GPC3: variants seen among roughly 807,000 people sequenced by gnomAD.
GPC3 encodes glypican 3, also known as glypican-3.
In GPC3, 3 loss-of-function variants were observed where a neutral mutation model predicts 34.4. The ratio of observed to expected loss-of-function variants is 0.09; its 90% CI spans 0.04 to 0.23. GPC3 has a LOEUF of 0.23. GPC3 is among the 10% of genes least tolerant of loss of function. GPC3 has a pLI of 1.00. For missense variants in GPC3, 351 were observed against 445.6 expected, an observed-to-expected ratio of 0.79 and a Z score of 1.91; for synonymous variants, 177 against 174.0, an observed-to-expected ratio of 1.02 and a Z score of -0.13.
chrX:133,557,964 A>G (rs2069504678), intron 7 of GPC3, among the ~76,000 whole-genome samples: 1 of 111,973 alleles, frequency 8.9e-6, no homozygotes, highest in East Asian at 2.8e-4. Context: ...CCTTAAATAA[A>G]GATTTTTTTT....
chrX:133,581,945 T>C (rs947182438), intron 7 of GPC3, among the ~76,000 whole-genome samples: 6 of 112,293 alleles, frequency 5.3e-5, no homozygotes, highest in African/African-American at 1.9e-4. Flanking sequence ...TTCTGTGCTA[T>C]TAACATTTTC....
intron 2 of GPC3, among the ~76,000 whole-genome samples, chrX:133,771,289 A>T (rs767607964): frequency 4.4e-5 from 5 of 112,901 alleles, no homozygotes; most frequent in Non-Finnish European, 9.4e-5. Flanking sequence ...TAATTTGGCA[A>T]TGTGCCTGGA....
At chrX:133,752,061 G>C (rs1569425809) in intron 3 of GPC3, among the ~76,000 whole-genome samples, 1 of 109,574 alleles carries the variant, frequency 9.1e-6, no homozygotes, top group Admixed American at 9.8e-5. Context: ...GTAGAGATGG[G>C]GTCTGTACGT....
intron 2 of GPC3, among the ~76,000 whole-genome samples, chrX:133,875,733 C>T (rs1280536260): frequency 9.0e-6 from 1 of 110,948 alleles, no homozygotes; most frequent in African/African-American, 3.3e-5. Flanking sequence ...TATATATTAG[C>T]CCCACAGTAC....
intron 6 of GPC3, among the ~76,000 whole-genome samples, chrX:133,653,410 G>A (rs1449852712): frequency 2.7e-5 from 3 of 111,611 alleles, no homozygotes; most frequent in Non-Finnish European, 5.6e-5. Flanking sequence ...TGCTAATTTT[G>A]TCATTCTGGA....
At chrX:133,691,259 G>A (rs982371847) in intron 5 of GPC3, among the ~76,000 whole-genome samples, 7 of 111,058 alleles carry the variant, frequency 6.3e-5, no homozygotes, top group Non-Finnish European at 1.1e-4. Flanking sequence ...AGCACTTTGG[G>A]AGGCCGAGGC....
chrX:133,645,834 G>A (rs1455498668), intron 6 of GPC3, among the ~76,000 whole-genome samples: 1 of 110,668 alleles, frequency 9.0e-6, no homozygotes, highest in East Asian at 2.8e-4. Context: ...TGTGGAAGAT[G>A]AGAGTGGGTG....
At chrX:133,778,910 A>T (rs186956026) in intron 2 of GPC3, among the ~76,000 whole-genome samples, 2 of 112,242 alleles carry the variant, frequency 1.8e-5, no homozygotes, top group East Asian at 5.6e-4. Context: ...TTCTGCCTTT[A>T]GTGTTTTTTT....
At chrX:133,871,992 G>A (rs964875481) in intron 2 of GPC3, among the ~76,000 whole-genome samples, 5 of 111,133 alleles carry the variant, frequency 4.5e-5, no homozygotes, top group Non-Finnish European at 9.4e-5. Flanking sequence ...CACTCAAGCT[G>A]GAGTAGAGTG....
chrX:133,679,278 T>A (rs2070915999), intron 5 of GPC3, among the ~76,000 whole-genome samples: 1 of 111,757 alleles, frequency 8.9e-6, no homozygotes, highest in Non-Finnish European at 1.9e-5. Flanking sequence ...TTCCATTTAT[T>A]CAGGGTAAAA....
At chrX:133,610,703 G>T (rs149120999) in intron 6 of GPC3, among the ~76,000 whole-genome samples, 43 of 103,318 alleles carry the variant, frequency 4.2e-4, no homozygotes, top group Middle Eastern at 9.4e-3. Context: ...GATGCAACAG[G>T]AGAGGGGATG....
chrX:133,661,871 A>C lies in GPC3; in HGVS notation c.1293-21T>G, dbSNP rs372409699. The C allele has an allele frequency of 1.8e-5, 21 of 1,197,480 alleles. No homozygotes were observed. The African/African-American group carries it at 3.1e-4, about 17-fold the overall frequency. ...TGTATCTGTAAAGGTGAAGGTAAAG[A>C]AAAGGTTTGTCAAAGAAAGTCCCAA... On this transcript the variant is annotated intron_variant, in intron 5 of 7. Transcript: ENST00000370818.
chrX:133,642,640 C>T (rs976486149), intron 6 of GPC3, among the ~76,000 whole-genome samples: 3 of 109,138 alleles, frequency 2.7e-5, no homozygotes, highest in African/African-American at 6.7e-5. Context: ...GGCGTGGTGG[C>T]GCATGCCTGT....
chrX:133,899,038 C>T (rs949257086), intron 2 of GPC3, among the ~76,000 whole-genome samples: 6 of 112,062 alleles, frequency 5.4e-5, no homozygotes, highest in Admixed American at 9.5e-5. Flanking sequence ...GGCTCAAAGG[C>T]ACACACATGT....
chrX:133,793,523 TCA>T (rs2072189827), intron 2 of GPC3, among the ~76,000 whole-genome samples: 1 of 111,568 alleles, frequency 9.0e-6, no homozygotes, highest in African/African-American at 3.3e-5. Flanking sequence ...CAGATTTTCC[TCA>T]TATTTTTTCC....
At chrX:133,663,112 T>G (rs1309389585) in intron 5 of GPC3, among the ~76,000 whole-genome samples, 1 of 110,984 alleles carries the variant, frequency 9.0e-6, no homozygotes, top group East Asian at 2.9e-4. Flanking sequence ...TAACCAAAAT[T>G]GGAATGATAC....
chrX:133,588,211 G>C (rs2069810291), intron 7 of GPC3, among the ~76,000 whole-genome samples: 1 of 111,126 alleles, frequency 9.0e-6, no homozygotes, highest in African/African-American at 3.3e-5. Flanking sequence ...CATTTCCAAA[G>C]AGCACAAAGG....
chrX:133,674,930 A>G, intron 5 of GPC3, among the ~76,000 whole-genome samples: 1 of 111,912 alleles, frequency 8.9e-6, no homozygotes, highest in Non-Finnish European at 1.9e-5. Flanking sequence ...AATGAAGAAC[A>G]GGACTCTCAA....
rs192075937 is a variant in GPC3 at position 133,696,451 on chromosome X, C to T, written c.1166+3444G>A. Among the ~76,000 whole-genome samples the T allele has an allele frequency of 2.0e-4, 22 of 112,298 alleles. No individual in the cohort carries two copies. The South Asian group carries it at 7.1e-3, about 36-fold the overall frequency. On this transcript the variant is annotated intron_variant, in intron 4 of 7. Transcript: ENST00000370818. ...AACTTGTTCCAGCACAGGAATTAAG[C>T]GTATTTTAATCTTTTCTTAAATAAA...
Sources: allele counts gnomAD v4.1 joint callset (sites outside exome capture counted in the v4.1 genomes callset), GRCh38; gene constraint gnomAD v4.1.1; transcripts MANE v1.5; gene names NCBI Gene and HGNC (gene_info 2026-07-23, HGNC 2026-07-21).